The following SMG6 variants were observed in gnomAD, a reference collection of about 807,000 sequenced individuals.
SMG6 encodes telomerase-binding protein EST1A.
Under a neutral mutation model 142.2 loss-of-function variants are expected in SMG6, and 66 were observed. That is an observed-to-expected ratio of 0.46 (90% CI 0.38 to 0.57). The LOEUF (loss-of-function observed/expected upper bound fraction) is 0.57, where lower values mean the gene tolerates loss of function less well. Among genes scored for constraint, SMG6 ranks in the 20% least tolerant of loss-of-function variants. The probability of loss-of-function intolerance (pLI) is 0.00; values close to 1 mark genes in which losing one functional copy is unlikely to be tolerated. For synonymous variants in SMG6, 779 were observed against 702.4 expected (o/e 1.11, Z -1.72); for missense variants, 1,793 against 1,832.0 (o/e 0.98, Z 0.39).
intron 12 of SMG6, 176 bp from the exon 13 acceptor site, chr17:2,173,035 G>C (rs1018423877): frequency 1.6e-6 from 1 of 632,364 alleles, no homozygotes; most frequent in Non-Finnish European, 2.8e-6. Flanking sequence ...GCAGCAATCT[G>C]AGGTATGTGT....
chr17:2,165,642 T>C (rs1423343146), intron 13 of SMG6, among the ~76,000 whole-genome samples: 1 of 152,196 alleles, frequency 6.6e-6, no homozygotes. Context: ...ATTTCACCTA[T>C]TATCTGTGGG....
In SMG6 at chr17:2,173,197, C is replaced by G. The variant is rs1462643912; in HGVS notation, c.3156-338G>C. The G allele has an allele frequency of 7.1e-5, 22 of 311,838 alleles. No homozygotes were observed. In the Admixed American group the frequency reaches 9.7e-4, roughly 14 times the overall value. The allele number at this position is 311,838 out of a possible 1,614,324, so 19.3% of individuals were successfully genotyped here. A position where few individuals can be genotyped will look rare whatever the true frequency, so the allele number is the denominator to read the frequency against. On this transcript the variant is annotated intron_variant, in intron 12 of 18. Coordinates refer to ENST00000263073, the MANE Select transcript of SMG6 (RefSeq NM_017575.5). Reference sequence around the variant, plus strand: ...GACGCTTACTCAAACACTCTAGACACCCAGTGCTTGTGGCTGCTCCCAGAA... The same window carrying G: ...GACGCTTACTCAAACACTCTAGACAGCCAGTGCTTGTGGCTGCTCCCAGAA...
At chr17:2,257,318 T>G (rs1260785256) in intron 8 of SMG6, among the ~76,000 whole-genome samples, 1 of 152,096 alleles carries the variant, frequency 6.6e-6, no homozygotes, top group Non-Finnish European at 1.5e-5. Context: ...TCTCTTGAGC[T>G]CGTGATCTGC....
At chr17:2,195,892 C>G (rs2072309442) in intron 10 of SMG6, among the ~76,000 whole-genome samples, 1 of 152,054 alleles carries the variant, frequency 6.6e-6, no homozygotes, top group South Asian at 2.1e-4. Context: ...TTTCACACGC[C>G]CGTGACTCAA....
intron 6 of SMG6, among the ~76,000 whole-genome samples, chr17:2,287,592 G>C (rs1215430602): frequency 6.6e-6 from 1 of 152,110 alleles, no homozygotes; most frequent in Non-Finnish European, 1.5e-5. Flanking sequence ...GATTTTATTT[G>C]AACACCCATG....
chr17:2,197,739 T>C (rs573279292), intron 10 of SMG6, among the ~76,000 whole-genome samples: 2 of 152,240 alleles, frequency 1.3e-5, no homozygotes, highest in African/African-American at 4.8e-5. Flanking sequence ...ATGTTCAATA[T>C]AATTAGCCAT....
chr17:2,202,484 C>G (rs145176791), intron 10 of SMG6, among the ~76,000 whole-genome samples: 2 of 151,928 alleles, frequency 1.3e-5, no homozygotes, highest in Non-Finnish European at 2.9e-5. Flanking sequence ...CCCGGAAGTT[C>G]AAGGCTACAG....
chr17:2,220,980 G>A (rs2073154144), intron 10 of SMG6, among the ~76,000 whole-genome samples: 1 of 152,158 alleles, frequency 6.6e-6, no homozygotes. Context: ...GCTCCAGTTA[G>A]GTGAATGTAA....
chr17:2,164,941 A>G (rs947055439), intron 13 of SMG6, among the ~76,000 whole-genome samples: 19 of 118,218 alleles, frequency 1.6e-4, no homozygotes, highest in African/African-American at 4.4e-4. Flanking sequence ...CATCTCAAGG[A>G]AAAAAAAAAA....
At position 2,061,285 on chromosome 17, in the gene SMG6, G is replaced by A. The variant is rs1567561807; in HGVS notation, c.*207C>T. ...CTGCTAAATCCTGGCAGCCCAGGAG[G>A]GTCCCAGCAGCTTCCGCCCGATCCT... On this transcript the variant is annotated 3_prime_UTR_variant, in exon 19 of 19. Transcript: ENST00000263073. 2 of 544,618 alleles carry A rather than the reference G, an allele frequency of 3.7e-6. No homozygotes were observed. Among genetic ancestry groups the A allele is most frequent in the East Asian group, 6.7e-5 (2 of 29,874 alleles). The allele number at this position is 544,618 out of a possible 1,614,324, so 33.7% of individuals were successfully genotyped here.
chr17:2,277,165 A>G (rs8065594), intron 8 of SMG6, among the ~76,000 whole-genome samples: 9 of 63,432 alleles, frequency 1.4e-4, no homozygotes, highest in Non-Finnish European at 3.0e-4. Flanking sequence ...TTATTTATTT[A>G]TTTTTTATTT....
intron 10 of SMG6, among the ~76,000 whole-genome samples, chr17:2,194,303 G>A (rs1276068029): frequency 2.0e-5 from 3 of 152,198 alleles, no homozygotes; most frequent in African/African-American, 7.2e-5. Flanking sequence ...CTTGGATGAA[G>A]CAATGAGTGA....
chr17:2,112,239 T>A (rs2069344951), intron 13 of SMG6, among the ~76,000 whole-genome samples: 1 of 151,396 alleles, frequency 6.6e-6, no homozygotes, highest in Non-Finnish European at 1.5e-5. Context: ...GCGCGGTGGC[T>A]CACGCCTGTA....
chr17:2,129,267 G>A (rs2070020260), intron 13 of SMG6, among the ~76,000 whole-genome samples: 1 of 152,106 alleles, frequency 6.6e-6, no homozygotes, highest in South Asian at 2.1e-4. Context: ...AGGCTGCAGT[G>A]AGCCATAATC....
chr17:2,245,803 C>T (rs1166878846), intron 8 of SMG6, among the ~76,000 whole-genome samples: 2 of 152,218 alleles, frequency 1.3e-5, no homozygotes, highest in African/African-American at 2.4e-5. Context: ...GCCTCAGCCT[C>T]CTGAGTAGCT....
At chr17:2,134,419 CAAAAA>C (rs58429166) in intron 13 of SMG6, among the ~76,000 whole-genome samples, 1 of 28,724 alleles carries the variant, frequency 3.5e-5, no homozygotes, top group Non-Finnish European at 5.3e-5. Flanking sequence ...GACTCCATCT[CAAAAA>C]AAAAAAAAAA....
intron 10 of SMG6, among the ~76,000 whole-genome samples, chr17:2,206,436 G>A (rs1448228872): frequency 6.6e-6 from 1 of 151,458 alleles, no homozygotes; most frequent in Non-Finnish European, 1.5e-5. Flanking sequence ...AAAATTAGTT[G>A]GGCAAGGTGG....
At chr17:2,224,838 C>G (rs748873715) in intron 10 of SMG6, among the ~76,000 whole-genome samples, 1 of 152,104 alleles carries the variant, frequency 6.6e-6, no homozygotes, top group Non-Finnish European at 1.5e-5. Context: ...AACTGTGGAA[C>G]ATCAAAGATT....
At chr17:2,278,791 A>G (rs2074717856) in intron 8 of SMG6, among the ~76,000 whole-genome samples, 1 of 152,206 alleles carries the variant, frequency 6.6e-6, no homozygotes, top group African/African-American at 2.4e-5. Flanking sequence ...CAATTATTAT[A>G]TATCAATTTT....
Sources: gnomAD v4.1 joint callset for allele counts (sites outside exome capture counted in the v4.1 genomes callset) on GRCh38, gnomAD v4.1.1 for gene constraint, MANE v1.5 for transcripts, NCBI Gene and HGNC (gene_info 2026-07-23, HGNC 2026-07-21) for gene names.